KIF26B: variants seen among roughly 807,000 people sequenced by gnomAD.
KIF26B encodes the protein kinesin family member 26B.
Under a neutral mutation model 151.2 loss-of-function variants are expected in KIF26B, and 63 were observed. The observed-to-expected ratio is 0.42, with a 90% CI of 0.34 to 0.51. The LOEUF is 0.51. KIF26B is among the 20% of genes least tolerant of loss of function. The pLI, the probability that KIF26B is intolerant of heterozygous loss-of-function variation, is 0.07. For missense variants in KIF26B, 2,813 were observed against 2,913.6 expected (o/e 0.97, Z 0.79); for synonymous variants, 1,357 against 1,262.1 (o/e 1.08, Z -1.59).
At chr1:245,236,880 C>T (rs1485438488) in intron 2 of KIF26B, among the ~76,000 whole-genome samples, 2 of 152,160 alleles carry the variant, frequency 1.3e-5, no homozygotes, top group Non-Finnish European at 2.9e-5. Context: ...GTGTGTGTTG[C>T]TTGAATAAAT....
At chr1:245,164,553 G>A (rs1185294159) in intron 2 of KIF26B, among the ~76,000 whole-genome samples, 1 of 152,196 alleles carries the variant, frequency 6.6e-6, no homozygotes, top group South Asian at 2.1e-4. Flanking sequence ...CACAGGAAAC[G>A]GCAGGCATAG....
intron 9 of KIF26B, among the ~76,000 whole-genome samples, chr1:245,632,024 T>TTGTG (rs147700174): frequency 2.0e-5 from 3 of 151,886 alleles, no homozygotes; most frequent in African/African-American, 4.8e-5. Flanking sequence ...TTTGTAATTT[T>TTGTG]TGTGTGTGTG....
intron 3 of KIF26B, among the ~76,000 whole-genome samples, chr1:245,409,007 C>A (rs754590086): frequency 3.9e-4 from 59 of 152,200 alleles, no homozygotes; most frequent in Non-Finnish European, 7.8e-4. Flanking sequence ...TGTTTCACAT[C>A]CTCAAAGGCC....
chr1:245,603,978 A>C (rs1469733857), intron 6 of KIF26B, among the ~76,000 whole-genome samples: 1 of 152,224 alleles, frequency 6.6e-6, no homozygotes, highest in Non-Finnish European at 1.5e-5. Flanking sequence ...AGATGCTGCA[A>C]CTAAAGCTGC....
intron 4 of KIF26B, among the ~76,000 whole-genome samples, chr1:245,423,098 A>AAC (rs1420704989): frequency 2.2e-5 from 2 of 92,780 alleles, no homozygotes; most frequent in African/African-American, 7.6e-5. Context: ...ACTCAGTCTC[A>AAC]AAAAAAAAAA....
chr1:245,561,909 T>C (rs1441954320), intron 5 of KIF26B, among the ~76,000 whole-genome samples: 2 of 152,236 alleles, frequency 1.3e-5, no homozygotes, highest in Non-Finnish European at 2.9e-5. Context: ...GTCCTGCCTC[T>C]TCTCAGTCTC....
At chr1:245,575,161 G>A (rs1370990999) in intron 5 of KIF26B, among the ~76,000 whole-genome samples, 1 of 151,132 alleles carries the variant, frequency 6.6e-6, no homozygotes, top group Non-Finnish European at 1.5e-5. Flanking sequence ...CACCGCGCCT[G>A]GCCTTTTATA....
chr1:245,662,822 C>T (rs964520373), intron 10 of KIF26B, among the ~76,000 whole-genome samples: 3 of 119,438 alleles, frequency 2.5e-5, no homozygotes, highest in Non-Finnish European at 5.0e-5. Flanking sequence ...TCTGCTTGAA[C>T]ACAGACTTCC....
chr1:245,482,203 T>C (rs910236471), intron 4 of KIF26B, among the ~76,000 whole-genome samples: 5 of 151,856 alleles, frequency 3.3e-5, no homozygotes, highest in African/African-American at 1.2e-4. Flanking sequence ...GCCATTCTCC[T>C]GCCTCAGCCT....
In KIF26B at chr1:245,344,175, C is replaced by T. The variant is rs146131489; in HGVS notation, c.466-22659C>T. Among the ~76,000 whole-genome samples the T allele has an allele frequency of 2.7e-5, 4 of 150,744 alleles. No homozygotes were observed. The East Asian group carries it at 7.8e-4, about 29-fold the overall frequency. On this transcript the variant is annotated intron_variant, in intron 2 of 14. Coordinates refer to ENST00000407071, the MANE Select transcript of KIF26B (RefSeq NM_018012.4). ...GTCTCTCCTTCCCCCTCCCTGTCTCCCTCCCTATCTCTTTCTTTCCTTTTC... is the reference window on the plus strand; with the variant it reads ...GTCTCTCCTTCCCCCTCCCTGTCTCTCTCCCTATCTCTTTCTTTCCTTTTC...
chr1:245,565,406 A>T (rs527780456), intron 5 of KIF26B, among the ~76,000 whole-genome samples: 10 of 151,762 alleles, frequency 6.6e-5, no homozygotes, highest in African/African-American at 2.4e-4. Flanking sequence ...CTCCTGCCTC[A>T]GCCTCCTGAG....
Position 245,474,707 on chromosome 1 carries a change from G to A in KIF26B, c.1166+54962G>A, listed in dbSNP as rs143448803. Reference sequence around the variant, plus strand: ...GGATTACAGACGTGAGCCACCGCACGCAGCCTCAAACACTGGGTCTTATTT... The same window carrying A: ...GGATTACAGACGTGAGCCACCGCACACAGCCTCAAACACTGGGTCTTATTT... On this transcript the variant is annotated intron_variant, in intron 4 of 14. Transcript: ENST00000407071. Among the ~76,000 whole-genome samples, 605 of 151,790 alleles carry A rather than the reference G, an allele frequency of 4.0e-3. 6 individuals are homozygous for A. The highest frequency in any genetic ancestry group is 0.014 in the African/African-American group (566 of 41,500).
chr1:245,405,415 C>A (rs529556751), intron 3 of KIF26B, among the ~76,000 whole-genome samples: 1 of 152,108 alleles, frequency 6.6e-6, no homozygotes. Flanking sequence ...GAGAAAGATG[C>A]CTGAGAGTGT....
intron 2 of KIF26B, among the ~76,000 whole-genome samples, chr1:245,219,127 CTTTTTTTTTTTTTT>C (rs1166578525): frequency 7.1e-4 from 40 of 56,188 alleles, no homozygotes; most frequent in Middle Eastern, 0.017. Context: ...ATACCTACCT[CTTTTTTTTTTTTTT>C]TTTTTTTTTT....
chr1:245,248,044 G>A (rs1285349868), intron 2 of KIF26B, among the ~76,000 whole-genome samples: 1 of 152,054 alleles, frequency 6.6e-6, no homozygotes, highest in African/African-American at 2.4e-5. Flanking sequence ...GTGCCAACAC[G>A]GCCGTGCACA....
In KIF26B at chr1:245,239,047, C is replaced by G. The variant is rs1363662074; in HGVS notation, c.465+82364C>G. The stretch of plus-strand genomic sequence containing the variant: ...GTTTCTTACGTCTAATTTCGTTTTC[C>G]ACCATCTACTGCAAGAGTTGTATTT... On this transcript the variant is annotated intron_variant, in intron 2 of 14. Coordinates refer to ENST00000407071, the MANE Select transcript of KIF26B (RefSeq NM_018012.4). This position sits in a 1 kb window ranked among gnomAD's most constrained non-coding sequence, Gnocchi z 4.3. Among the ~76,000 whole-genome samples the G allele has an allele frequency of 1.3e-5, 2 of 152,130 alleles. No homozygotes were observed. The highest frequency in any genetic ancestry group is 2.9e-5 in the Non-Finnish European group (2 of 68,026).
rs752117098 is a variant in KIF26B, at chr1:245,688,139, C to A, written c.5156C>A (p.Pro1719His). 1 of 1,590,812 alleles carries A rather than the reference C, an allele frequency of 6.3e-7. No individual in the cohort carries two copies. ...SLGRSAGTSP[P>H]SSGASPKAGQ... ...GGCCGCAGCGCCGGGACCTCGCCCC[C>A]CAGCTCCGGGGCCTCGCCCAAGGCC... Residue 1719 changes from proline to histidine, a missense_variant, in exon 12 of 15, where the codon CCC (proline) becomes CAC (histidine). Around this residue, in one of 3 missense-constraint regions of KIF26B, gnomAD observed 2,060 missense variants for 2,088.6 expected, o/e 0.99. Coordinates refer to ENST00000407071, the MANE Select transcript of KIF26B (RefSeq NM_018012.4).
chr1:245,590,914 G>GAAAAAAAAAAAA (rs10599314), intron 5 of KIF26B, among the ~76,000 whole-genome samples: 1 of 91,344 alleles, frequency 1.1e-5, no homozygotes, highest in African/African-American at 3.3e-5. Flanking sequence ...TCAAAAAAAA[G>GAAAAAAAAAAAA]AAAAAAAAAA....
At chr1:245,479,549 A>G (rs1660116680) in intron 4 of KIF26B, among the ~76,000 whole-genome samples, 1 of 151,746 alleles carries the variant, frequency 6.6e-6, no homozygotes. Flanking sequence ...AAGGAGGAGG[A>G]ATGGTTGTTT....
Sources: gnomAD v4.1 joint callset for allele counts (sites outside exome capture counted in the v4.1 genomes callset) on GRCh38, gnomAD v4.1.1 for gene constraint, gnomAD v4.1.1 regional missense constraint, Gnocchi (gnomAD v3.1) non-coding constraint, MANE v1.5 for transcripts, NCBI Gene and HGNC (gene_info 2026-07-23, HGNC 2026-07-21) for gene names.